Variants in GGACT observed in about 807,000 individuals in gnomAD.
The protein encoded by GGACT is gamma-glutamylamine cyclotransferase.
For missense variants in GGACT, 241 were observed against 233.2 expected (o/e 1.03, Z -0.22); for synonymous variants, 118 against 115.3 (o/e 1.02, Z -0.15).
At position 100,530,784 on chromosome 13, in the gene GGACT, G is replaced by C. The variant is rs1236318140; in HGVS notation, c.*1346C>G. ...TGAAGCTTCCTGGTTGGCCGGGGGTGCTGTCTCCACTGTTTTTGTTTGTTT... is the reference window on the plus strand; with the variant it reads ...TGAAGCTTCCTGGTTGGCCGGGGGTCCTGTCTCCACTGTTTTTGTTTGTTT... On this transcript the variant is annotated 3_prime_UTR_variant, in exon 3 of 3. Coordinates refer to ENST00000683975, the MANE Select transcript of GGACT (RefSeq NM_001195087.2). 2 of 169,302 alleles carry C rather than the reference G, an allele frequency of 1.2e-5. No homozygotes were observed. Among genetic ancestry groups the C allele is most frequent in the South Asian group, 1.5e-4 (1 of 6,674 alleles). 10.5% of individuals were successfully genotyped at this position (169,302 alleles called of 1,614,324 possible).
chr13:100,532,147 G>C lies in GGACT; in HGVS notation c.445C>G (p.Pro149Ala). 2 of 1,451,848 alleles carry C rather than the reference G, an allele frequency of 1.4e-6. No homozygotes were observed. The highest frequency in any genetic ancestry group is 1.8e-6 in the Non-Finnish European group (2 of 1,097,114). The allele number at this position is 1,451,848 out of a possible 1,614,324, so 89.9% of individuals were successfully genotyped here. Residue 149 changes from proline (P) to alanine (A), a missense_variant, in exon 3 of 3, where the codon CCC becomes GCC. Pro to Ala is a conservative substitution (Grantham distance 27). Coordinates refer to ENST00000683975, the MANE Select transcript of GGACT (RefSeq NM_001195087.2). ...SEGPHGLRYN[P>A]RENR is the part of the protein sequence containing the mutation. ...CGTCCCCCTTATCTGTTCTCCCGGG[G>C]GTTGTAGCGCAGCCCGTGCGGCCCC...
chr13:100,554,867 A>T (rs189313445), intron 2 of GGACT, among the ~76,000 whole-genome samples: 1 of 152,330 alleles, frequency 6.6e-6, no homozygotes, highest in Admixed American at 6.5e-5. Context: ...GAAATCAAGG[A>T]GGGAACATCA....
intron 2 of GGACT, among the ~76,000 whole-genome samples, chr13:100,564,189 C>T (rs1771515261): frequency 1.3e-5 from 2 of 152,230 alleles, no homozygotes; most frequent in Admixed American, 6.5e-5. Flanking sequence ...TTTTTCAAAG[C>T]TCTCCAGGCG....
At chr13:100,550,047 A>G (rs1033585502) in intron 2 of GGACT, among the ~76,000 whole-genome samples, 23 of 152,294 alleles carry the variant, frequency 1.5e-4, no homozygotes, top group African/African-American at 5.5e-4. Flanking sequence ...CTCAACTACA[A>G]GGAAGAAGGG....
In GGACT at chr13:100,532,746, C is replaced by T. The variant is rs376097622; in HGVS notation, c.-10-145G>A. 4.8e-4 allele frequency: 304 copies of T among 630,430 alleles called. 2 individuals carry two copies. In the African/African-American group the frequency reaches 5.1e-3, roughly 11 times the overall value. The allele number at this position is 630,430 out of a possible 1,614,324, so 39.1% of individuals were successfully genotyped here. A position where few individuals can be genotyped will look rare whatever the true frequency, so the allele number is the denominator to read the frequency against. On this transcript the variant is annotated intron_variant, in intron 2 of 2. Coordinates refer to ENST00000683975, the MANE Select transcript of GGACT (RefSeq NM_001195087.2). The stretch of plus-strand genomic sequence containing the variant: ...TGTGCTCAGATAAGGCGTTACTTAC[C>T]GACGCAGATGAGAATGACCTACAGT...
intron 2 of GGACT, chr13:100,539,696 G>T: frequency 1.7e-6 from 1 of 592,030 alleles, no homozygotes; most frequent in South Asian, 2.2e-5. Flanking sequence ...TTAGTATCAG[G>T]GTGATGCTCA....
intron 2 of GGACT, among the ~76,000 whole-genome samples, chr13:100,546,087 A>G (rs984276697): frequency 2.0e-5 from 3 of 152,222 alleles, no homozygotes; most frequent in South Asian, 2.1e-4. Context: ...ATGGCCGGGC[A>G]CAGTGGCTCA....
chr13:100,558,123 T>C (rs1294528375), intron 2 of GGACT, among the ~76,000 whole-genome samples: 1 of 147,490 alleles, frequency 6.8e-6, no homozygotes, highest in Non-Finnish European at 1.5e-5. Context: ...GAGGTTGCAG[T>C]GAGCTGAGAT....
chr13:100,564,745 A>T (rs1021085295), intron 2 of GGACT, among the ~76,000 whole-genome samples: 1 of 152,158 alleles, frequency 6.6e-6, no homozygotes, highest in African/African-American at 2.4e-5. Context: ...GTGGAAATAA[A>T]TTACATTTTT....
intron 1 of GGACT, among the ~76,000 whole-genome samples, chr13:100,588,041 C>G (rs1235295945): frequency 6.6e-6 from 1 of 152,096 alleles, no homozygotes; most frequent in Non-Finnish European, 1.5e-5. Flanking sequence ...ATAAAAAGGG[C>G]CAGAAATCGA....
intron 2 of GGACT, among the ~76,000 whole-genome samples, chr13:100,548,695 C>T (rs2088630328): frequency 6.6e-6 from 1 of 152,102 alleles, no homozygotes; most frequent in Non-Finnish European, 1.5e-5. Flanking sequence ...TATCTTGTGC[C>T]CTTAAAGTTT....
chr13:100,535,689 G>A (rs1193183089), intron 2 of GGACT: 1 of 152,186 alleles, frequency 6.6e-6, no homozygotes, highest in African/African-American at 2.4e-5. Context: ...TTCGGCATTA[G>A]AACCATGCAA....
intron 2 of GGACT, among the ~76,000 whole-genome samples, chr13:100,550,137 C>T (rs1196049041): frequency 6.6e-6 from 1 of 152,186 alleles, no homozygotes; most frequent in Admixed American, 6.5e-5. Flanking sequence ...TGCCACATTC[C>T]TGTGAGTCCT....
At chr13:100,546,938 G>A (rs1251070336) in intron 2 of GGACT, among the ~76,000 whole-genome samples, 4 of 152,168 alleles carry the variant, frequency 2.6e-5, no homozygotes, top group Admixed American at 6.5e-5. Context: ...GGCACGGCCC[G>A]GCGCATGCAG....
intron 2 of GGACT, among the ~76,000 whole-genome samples, chr13:100,554,739 C>T (rs1376399779): frequency 2.0e-5 from 3 of 152,096 alleles, no homozygotes; most frequent in Non-Finnish European, 4.4e-5. Flanking sequence ...ATTGATAAGG[C>T]ATGTGTGCAA....
intron 2 of GGACT, among the ~76,000 whole-genome samples, chr13:100,550,636 A>G (rs2088654130): frequency 6.6e-6 from 1 of 152,178 alleles, no homozygotes; most frequent in Non-Finnish European, 1.5e-5. Flanking sequence ...CTTTTGAAAA[A>G]GCACTTAAAG....
chr13:100,560,168 C>CGGTCGTGAT (rs1297798355), intron 2 of GGACT, among the ~76,000 whole-genome samples: 1 of 151,962 alleles, frequency 6.6e-6, no homozygotes, highest in African/African-American at 2.4e-5. Flanking sequence ...ATCTTGAATG[C>CGGTCGTGAT]GGTCGTGATT....
chr13:100,555,098 TAAGG>T (rs1278019223), intron 2 of GGACT, among the ~76,000 whole-genome samples: 1 of 152,212 alleles, frequency 6.6e-6, no homozygotes, highest in Non-Finnish European at 1.5e-5. Context: ...ATTGAACACT[TAAGG>T]AAGAAATAAT....
intron 2 of GGACT, among the ~76,000 whole-genome samples, chr13:100,540,789 A>G (rs991556107): frequency 6.6e-6 from 1 of 152,228 alleles, no homozygotes; most frequent in Non-Finnish European, 1.5e-5. Flanking sequence ...TGAAAAGTCT[A>G]TAACACTGGC....
Sources: gnomAD v4.1 joint callset for allele counts (sites outside exome capture counted in the v4.1 genomes callset) on GRCh38, gnomAD v4.1.1 for gene constraint, MANE v1.5 for transcripts, NCBI Gene and HGNC (gene_info 2026-07-23, HGNC 2026-07-21) for gene names.